The following ZMYND8 variants were observed in gnomAD, a reference collection of about 807,000 sequenced individuals.
ZMYND8 encodes the protein MYND-type zinc finger-containing chromatin reader ZMYND8.
In ZMYND8, 37 loss-of-function variants were observed where a neutral mutation model predicts 140.8. The ratio of observed to expected loss-of-function variants is 0.26; its 90% confidence interval spans 0.20 to 0.35. ZMYND8 has a LOEUF of 0.35. Ranked by LOEUF, ZMYND8 falls within the 10% of genes least tolerant of loss-of-function variation. The pLI is 1.00. For missense variants in ZMYND8, 1,068 were observed against 1,570.0 expected, an observed-to-expected ratio of 0.68 and a Z score of 5.40; for synonymous variants, 592 against 597.1, an observed-to-expected ratio of 0.99 and a Z score of 0.12.
chr20:47,240,839 C>G (rs2039874261), intron 14 of ZMYND8, among the ~76,000 whole-genome samples: 2 of 151,710 alleles, frequency 1.3e-5, no homozygotes, highest in Admixed American at 1.3e-4. Context: ...CAGGCGTGAG[C>G]CAACGTGCCC....
intron 17 of ZMYND8, 48 bp downstream of exon 17, chr20:47,229,678 C>T (rs368217103): frequency 6.3e-7 from 1 of 1,576,586 alleles, no homozygotes; most frequent in Non-Finnish European, 8.7e-7. Flanking sequence ...TTTAAAGCAG[C>T]CCACAAAACA....
chr20:47,351,569 G>T, intron 1 of ZMYND8: 2 of 760,372 alleles, frequency 2.6e-6, no homozygotes, highest in Non-Finnish European at 1.6e-6. Context: ...TAATCCCCAA[G>T]GCATAACATC....
At chr20:47,340,630 C>T (rs2081776889) in intron 2 of ZMYND8, among the ~76,000 whole-genome samples, 1 of 151,756 alleles carries the variant, frequency 6.6e-6, no homozygotes, top group Non-Finnish European at 1.5e-5. Context: ...CCCATCTCTA[C>T]TAAAAATTAA....
At chr20:47,334,672 C>T (rs561143138) in intron 2 of ZMYND8, among the ~76,000 whole-genome samples, 9 of 151,496 alleles carry the variant, frequency 5.9e-5, no homozygotes, top group Admixed American at 3.3e-4. Flanking sequence ...TACAGTGGCA[C>T]GATCTTGGCT....
In ZMYND8 at chr20:47,224,509, G is replaced by A. The variant is rs751016050; in HGVS notation, c.3064C>T (p.Arg1022Trp). Residue 1022 changes from arginine (R) to tryptophan (W), a missense_variant, in exon 19 of 23, where the codon CGG (arginine) becomes TGG (tryptophan). Arg to Trp is a moderately radical substitution (Grantham distance 101). Around this residue, in one of 10 missense-constraint regions of ZMYND8, gnomAD observed 87 missense variants for 151.1 expected, o/e 0.58. Coordinates refer to ENST00000471951, the MANE Select transcript of ZMYND8 (RefSeq NM_001281775.3). ...TGCTTCTTCACCTCGGCGATGAGCC[G>A]GTCCCGCTCCTGCTCCAGGCTCTGC... The part of the protein sequence containing the change: ...MRQSLEQERD[R>W]LIAEVKKQLE... The A allele has an allele frequency of 6.2e-6, 10 of 1,613,956 alleles. No homozygotes were observed. The highest frequency in any genetic ancestry group is 1.7e-5 in the Admixed American group (1 of 60,008).
At chr20:47,282,323 G>T in intron 9 of ZMYND8, 106 bp from the exon 10 acceptor site, 2 of 928,942 alleles carry the variant, frequency 2.2e-6, no homozygotes, top group Non-Finnish European at 3.3e-6. Flanking sequence ...CACAGGCCAT[G>T]AGTGGAAAAA....
At chr20:47,233,230 A>G (rs1229155008) in intron 16 of ZMYND8, among the ~76,000 whole-genome samples, 3 of 111,286 alleles carry the variant, frequency 2.7e-5, no homozygotes, top group Non-Finnish European at 4.9e-5. Flanking sequence ...TTTTTTTGAG[A>G]CAGGGTCCTG....
In ZMYND8 at chr20:47,327,070, C is replaced by CT. The variant is rs1448085371; in HGVS notation, c.86-16867dup. 2.0e-5 allele frequency among the ~76,000 whole-genome samples: 3 copies of CT among 152,196 alleles called. No individual in the cohort carries two copies. The East Asian group carries it at 5.8e-4, about 30-fold the overall frequency. On this transcript the variant is annotated intron_variant, in intron 2 of 22. Coordinates refer to ENST00000471951, the MANE Select transcript of ZMYND8 (RefSeq NM_001281775.3). ...CAGCCTTATTAGGAAGAGAGCACTA[C>CT]TTACAGCTGATGCGGTGAACCAGTG...
At chr20:47,222,825 G>C (rs1382492097) in intron 19 of ZMYND8, among the ~76,000 whole-genome samples, 1 of 152,254 alleles carries the variant, frequency 6.6e-6, no homozygotes, top group Non-Finnish European at 1.5e-5. Flanking sequence ...TTTGTCTAGA[G>C]CAAGAGCTGG....
intron 19 of ZMYND8, among the ~76,000 whole-genome samples, chr20:47,222,976 G>A (rs767090197): frequency 6.6e-6 from 1 of 152,116 alleles, no homozygotes; most frequent in Non-Finnish European, 1.5e-5. Flanking sequence ...GAAACCACAT[G>A]GTGTACAAAG....
At chr20:47,236,176 G>A (rs1045182470) in intron 16 of ZMYND8, 150 bp downstream of exon 16, 14 of 841,806 alleles carry the variant, frequency 1.7e-5, no homozygotes, top group African/African-American at 3.5e-5. Flanking sequence ...ATTAAAGAAC[G>A]TGGTCTTGGA....
In ZMYND8 at chr20:47,238,822, TTGCTGC is replaced by T. The variant is rs569370037; in HGVS notation, c.2595_2600del (p.Gln866_Gln867del). 5.8e-5 allele frequency: 93 copies of T among 1,611,592 alleles called. No homozygotes were observed. The highest frequency in any genetic ancestry group is 3.7e-4 in the Admixed American group (22 of 59,878). Reference sequence around the variant, plus strand: ...AAGACTGAGGCTGCTGCTGCTGGTTTTGCTGCTGCTGCTGCTGCTGCTGACGCTGCA... The same window carrying T: ...AAGACTGAGGCTGCTGCTGCTGGTTTTGCTGCTGCTGCTGCTGACGCTGCA... On this transcript the variant is annotated inframe_deletion, in exon 15 of 23. Coordinates refer to ENST00000471951, the MANE Select transcript of ZMYND8 (RefSeq NM_001281775.3).
intron 14 of ZMYND8, among the ~76,000 whole-genome samples, chr20:47,243,312 C>A (rs2040186524): frequency 6.6e-6 from 1 of 152,208 alleles, no homozygotes; most frequent in South Asian, 2.1e-4. Context: ...AAGACCCAAA[C>A]CACCATCAGC....
chr20:47,282,071 T>C (rs111565492), intron 10 of ZMYND8, 31 bp downstream of exon 10: 3 of 1,576,508 alleles, frequency 1.9e-6, no homozygotes, highest in Non-Finnish European at 2.6e-6. Flanking sequence ...CAGTGAAAGC[T>C]ACATGTTCCA....
At chr20:47,293,103 CGAGGAAAGAAGGAAGGAAGG>C (rs1337248323) in intron 5 of ZMYND8, among the ~76,000 whole-genome samples, 8 of 99,368 alleles carry the variant, frequency 8.1e-5, no homozygotes, top group African/African-American at 2.9e-4. Context: ...GAGGGAGGGA[CGAGGAAAGAAGGAAGGAAGG>C]AAGGAAGGAA....
At position 47,313,397 on chromosome 20, in the gene ZMYND8, C is replaced by T. The variant is rs1034399633; in HGVS notation, c.86-3193G>A. Among the ~76,000 whole-genome samples the T allele has an allele frequency of 7.9e-5, 12 of 152,042 alleles. No individual in the cohort carries two copies. In the East Asian group the frequency reaches 1.2e-3, roughly 15 times the overall value. On this transcript the variant is annotated intron_variant, in intron 2 of 22. Transcript: ENST00000471951. ...CAGCACTTTGGGAGGCCAAGGCGGG[C>T]GGATTACAAAGTCAGGAGATCGAGA... is the stretch of plus-strand genomic sequence containing the variant.
intron 3 of ZMYND8, among the ~76,000 whole-genome samples, chr20:47,307,335 G>A (rs1451338531): frequency 1.3e-5 from 2 of 151,868 alleles, no homozygotes; most frequent in Non-Finnish European, 2.9e-5. Context: ...GTGCATGCCT[G>A]TAATCCCAGC....
chr20:47,310,200 A>G lies in ZMYND8; in HGVS notation c.90T>C (p.Pro30=). 6.2e-7 allele frequency: 1 copy of G among 1,601,604 alleles called. No individual in the cohort carries two copies. The highest frequency in any genetic ancestry group is 8.5e-7 in the Non-Finnish European group (1 of 1,176,846). The stretch of plus-strand genomic sequence containing the variant: ...TCTGGGCTGTTCTCTCTGCAGAGCC[A>G]GGATCTGAAAGAGATACAGGACCAC... ...GMDISTRSKD[P]GSAERTAQKR... Residue 30 remains proline, a synonymous_variant, in exon 3 of 23, where the codon CCT becomes CCC. Transcript: ENST00000471951.
chr20:47,326,194 G>A (rs1253803744), intron 2 of ZMYND8, among the ~76,000 whole-genome samples: 1 of 152,066 alleles, frequency 6.6e-6, no homozygotes, highest in Admixed American at 6.6e-5. Context: ...TCCTGACCTC[G>A]TGATCCGCCT....
Sources: gnomAD v4.1 joint callset for allele counts (sites outside exome capture counted in the v4.1 genomes callset) on GRCh38, gnomAD v4.1.1 for gene constraint, gnomAD v4.1.1 regional missense constraint, MANE v1.5 for transcripts, NCBI Gene and HGNC (gene_info 2026-07-23, HGNC 2026-07-21) for gene names.